POLR2M: variants seen among roughly 807,000 people sequenced by gnomAD.
The protein encoded by POLR2M is protein GRINL1A.
Under a neutral mutation model 34.6 loss-of-function variants are expected in POLR2M, and 30 were observed. The observed-to-expected ratio is 0.87, with a 90% CI of 0.65 to 1.18. POLR2M has a LOEUF of 1.18. Among genes scored for constraint, POLR2M ranks in the 50% most tolerant of loss-of-function variants. POLR2M has a pLI of 0.00. For synonymous variants in POLR2M, 150 were observed against 166.7 expected, an observed-to-expected ratio of 0.90 and a Z score of 0.77; for missense variants, 432 against 448.7, an observed-to-expected ratio of 0.96 and a Z score of 0.34.
In POLR2M at chr15:57,706,997, C is replaced by G. The variant is rs1467493294; in HGVS notation, c.113+42C>G. 2.6e-6 allele frequency: 4 copies of G among 1,553,742 alleles called. No individual in the cohort carries two copies. The African/African-American group carries it at 5.5e-5, about 21-fold the overall frequency. On this transcript the variant is annotated intron_variant, in intron 1 of 3. Transcript: ENST00000299638. ...CGGAGTCTCCGCCAGGCTCCTTCAGCTCGAGCTCCCTGGGCGCTCCCCTCC... is the reference window on the plus strand; with the variant it reads ...CGGAGTCTCCGCCAGGCTCCTTCAGGTCGAGCTCCCTGGGCGCTCCCCTCC...
chr15:57,712,246 A>T, intron 3 of POLR2M, 58 bp downstream of exon 3: 1 of 1,589,184 alleles, frequency 6.3e-7, no homozygotes, highest in East Asian at 2.2e-5. Context: ...ATAAGCTAGA[A>T]TTTACTCCAG....
chr15:57,713,763 T>C (rs2040829591), intron 3 of POLR2M, among the ~76,000 whole-genome samples: 1 of 151,558 alleles, frequency 6.6e-6, no homozygotes, highest in Non-Finnish European at 1.5e-5. Context: ...GAAGTCATGA[T>C]TGTAATTAGG....
chr15:57,707,306 C>T (rs1595980290), intron 1 of POLR2M: 5 of 740,494 alleles, frequency 6.8e-6, no homozygotes, highest in East Asian at 5.4e-5. Flanking sequence ...AGATTGTCAG[C>T]TTCATCTCTG....
chr15:57,708,711 C>T lies in POLR2M; in HGVS notation c.114-3C>T. The T allele has an allele frequency of 1.3e-6, 2 of 1,570,254 alleles. No individual in the cohort carries two copies. The highest frequency in any genetic ancestry group is 1.4e-5 in the African/African-American group (1 of 73,140). On this transcript the variant is annotated splice_polypyrimidine_tract_variant and splice_region_variant and intron_variant, in intron 1 of 3. Coordinates refer to ENST00000299638, the MANE Select transcript of POLR2M (RefSeq NM_015532.5). ...TGTAATAGTATTCTTTTCCATTTGACAGAAAATTCATTTGCAAATTGCCCG... is the reference window on the plus strand; with the variant it reads ...TGTAATAGTATTCTTTTCCATTTGATAGAAAATTCATTTGCAAATTGCCCG...
At chr15:57,708,210 A>G (rs1209209270) in intron 1 of POLR2M, among the ~76,000 whole-genome samples, 2 of 152,252 alleles carry the variant, frequency 1.3e-5, no homozygotes, top group South Asian at 2.1e-4. Context: ...TCTTTAAAAC[A>G]TAAGCATACA....
In POLR2M at chr15:57,714,774, A is replaced by G. The variant is rs1259643969; in HGVS notation, c.*95A>G. 8 of 1,531,850 alleles carry G rather than the reference A, an allele frequency of 5.2e-6. No individual in the cohort carries two copies. Among genetic ancestry groups the G allele is most frequent in the Admixed American group, 2.3e-5 (1 of 43,566 alleles). The allele number at this position is 1,531,850 out of a possible 1,614,324, so 94.9% of individuals were successfully genotyped here. A position where few individuals can be genotyped will look rare whatever the true frequency, so the allele number is the denominator to read the frequency against. On this transcript the variant is annotated 3_prime_UTR_variant, in exon 4 of 4. Coordinates refer to ENST00000299638, the MANE Select transcript of POLR2M (RefSeq NM_015532.5). ...ATCAGTGTCAGATATTGTTGAGGGA[A>G]GTAATTTTATAAAGTTACACAAAGG...
In POLR2M at chr15:57,717,355, T is replaced by C. The variant is rs1251080655; in HGVS notation, c.*2676T>C. On this transcript the variant is annotated 3_prime_UTR_variant, in exon 4 of 4. Coordinates refer to ENST00000299638, the MANE Select transcript of POLR2M (RefSeq NM_015532.5). The stretch of plus-strand genomic sequence containing the variant: ...AAGCAACAGCTGTGTAATCACAAAC[T>C]AGATGCAGAGGAGGTCTTGCCAGCA... The C allele has an allele frequency of 6.6e-6, 1 of 152,194 alleles. No individual in the cohort carries two copies. Among genetic ancestry groups the C allele is most frequent in the Non-Finnish European group, 1.5e-5 (1 of 68,032 alleles). The allele number at this position is 152,194 out of a possible 1,614,324, so 9.4% of individuals were successfully genotyped here.
In POLR2M at chr15:57,706,902, T is replaced by G; in HGVS notation, c.60T>G (p.Ser20Arg). 1 of 1,601,006 alleles carries G rather than the reference T, an allele frequency of 6.2e-7. No individual in the cohort carries two copies. Among genetic ancestry groups the G allele is most frequent in the Non-Finnish European group, 8.5e-7 (1 of 1,173,534 alleles). Residue 20 changes from serine to arginine, a missense_variant, in exon 1 of 4, where the codon AGT (serine) becomes AGG (arginine). Coordinates refer to ENST00000299638, the MANE Select transcript of POLR2M (RefSeq NM_015532.5). Reference protein sequence around the residue: ...PQAPEDLAQRSLVELREMLKR... With the variant: ...PQAPEDLAQRRLVELREMLKR... The stretch of plus-strand genomic sequence containing the variant: ...CTCCCGAGGACTTGGCGCAGCGGAG[T>G]TTGGTGGAGCTGCGGGAAATGTTGA...
In POLR2M at chr15:57,709,302, G is replaced by C. The variant is rs909589138; in HGVS notation, c.702G>C (p.Val234=). 3 of 1,614,032 alleles carry C rather than the reference G, an allele frequency of 1.9e-6. No homozygotes were observed. The Admixed American group carries it at 5.0e-5, about 27-fold the overall frequency. The change falls in exon 2 of 4, where the codon GTG becomes GTC. Residue 234 remains valine, a synonymous_variant. Coordinates refer to ENST00000299638, the MANE Select transcript of POLR2M (RefSeq NM_015532.5). ...GTEKKPHYME[V]LEMRAKNPVP... is the part of the protein sequence containing the mutation. ...AGAAGAAACCTCATTACATGGAAGT[G>C]CTAGAAATGCGAGCCAAAAACCCAG...
At chr15:57,711,642 A>C (rs184965189) in intron 2 of POLR2M, among the ~76,000 whole-genome samples, 28 of 152,016 alleles carry the variant, frequency 1.8e-4, no homozygotes, top group African/African-American at 6.0e-4. Flanking sequence ...TCTTGTTGAG[A>C]TATCTATCAC....
rs1339177087 is a variant in POLR2M at position 57,715,950 on chromosome 15, C to T, written c.*1271C>T. ...AAGCAAATGTGAAAAGTATACTGAC[C>T]TAAGATTCTCATTAGTTTTAGTTCT... On this transcript the variant is annotated 3_prime_UTR_variant, in exon 4 of 4. Coordinates refer to ENST00000299638, the MANE Select transcript of POLR2M (RefSeq NM_015532.5). 6.6e-6 allele frequency: 1 copy of T among 152,262 alleles called. No individual in the cohort carries two copies. The highest frequency in any genetic ancestry group is 2.4e-5 in the African/African-American group (1 of 41,462). 9.4% of individuals were successfully genotyped at this position (152,262 alleles called of 1,614,324 possible).
In POLR2M at chr15:57,709,028, C is replaced by T; in HGVS notation, c.428C>T (p.Thr143Ile). The T allele has an allele frequency of 1.2e-6, 2 of 1,614,004 alleles. No homozygotes were observed. The highest frequency in any genetic ancestry group is 1.7e-6 in the Non-Finnish European group (2 of 1,179,936). The change falls in exon 2 of 4, where the codon ACT (threonine) becomes ATT (isoleucine). Residue 143 changes from threonine to isoleucine, a missense_variant. Thr to Ile is a moderately conservative substitution (Grantham distance 89). Transcript: ENST00000299638. ...CCTACTCTTGAAGGTGATGAAGAGACTTCAGAGGTTGAGTACACAGTGAAT... is the reference window on the plus strand; with the variant it reads ...CCTACTCTTGAAGGTGATGAAGAGATTTCAGAGGTTGAGTACACAGTGAAT... ...GRPTLEGDEE[T>I]SEVEYTVNKG...
intron 2 of POLR2M, among the ~76,000 whole-genome samples, chr15:57,710,658 A>G (rs2040671917): frequency 6.6e-6 from 1 of 152,224 alleles, no homozygotes; most frequent in South Asian, 2.1e-4. Context: ...CAAAGAATAC[A>G]TTAATCCCAG....
At position 57,715,651 on chromosome 15, in the gene POLR2M, C is replaced by G. The variant is rs1217051897; in HGVS notation, c.*972C>G. 4.6e-5 allele frequency: 7 copies of G among 152,158 alleles called. No homozygotes were observed. Among genetic ancestry groups the G allele is most frequent in the Non-Finnish European group, 7.4e-5 (5 of 67,996 alleles). 9.4% of individuals were successfully genotyped at this position (152,158 alleles called of 1,614,324 possible). A position where few individuals can be genotyped will look rare whatever the true frequency, so the allele number is the denominator to read the frequency against. ...TTCCCCCCAAATAGGTATATATAGA[C>G]TGCAGAAGCTTCAGTCCCATATATA... On this transcript the variant is annotated 3_prime_UTR_variant, in exon 4 of 4. Coordinates refer to ENST00000299638, the MANE Select transcript of POLR2M (RefSeq NM_015532.5).
chr15:57,714,074 C>T (rs373232148), intron 3 of POLR2M, among the ~76,000 whole-genome samples: 2 of 151,958 alleles, frequency 1.3e-5, no homozygotes, highest in African/African-American at 4.8e-5. Context: ...GTCTCGATCT[C>T]CTGACCTCGT....
At chr15:57,714,457 T>C in intron 3 of POLR2M, 79 bp from the exon 4 acceptor site, 1 of 1,583,712 alleles carries the variant, frequency 6.3e-7, no homozygotes, top group Non-Finnish European at 8.6e-7. Context: ...TTATTGCTGA[T>C]TCTAGGTAAC....
In POLR2M at chr15:57,713,630, AT is replaced by A. The variant is rs1247724234; in HGVS notation, c.964-903del. On this transcript the variant is annotated intron_variant, in intron 3 of 3. Coordinates refer to ENST00000299638, the MANE Select transcript of POLR2M (RefSeq NM_015532.5). ...TTTAAGTACATTGCCAGTGTCTGAA[AT>A]TTACTTGGACTTTTTATTGGATACT... Among the ~76,000 whole-genome samples, 4 of 152,050 alleles carry A rather than the reference AT, an allele frequency of 2.6e-5. No individual in the cohort carries two copies. The East Asian group carries it at 7.7e-4, about 29-fold the overall frequency.
At chr15:57,708,233 C>G (rs1374747945) in intron 1 of POLR2M, among the ~76,000 whole-genome samples, 1 of 152,212 alleles carries the variant, frequency 6.6e-6, no homozygotes, top group Non-Finnish European at 1.5e-5. Context: ...AGCACACATT[C>G]TATTCTAGAA....
Position 57,709,150 on chromosome 15 carries a change from A to C in POLR2M, c.550A>C (p.Thr184Pro). The change falls in exon 2 of 4, where the codon ACT (threonine) becomes CCT (proline). Residue 184 changes from threonine to proline, a missense_variant. Coordinates refer to ENST00000299638, the MANE Select transcript of POLR2M (RefSeq NM_015532.5). ...TCGTGTTTCAAGTCAAGCGGAAGATACTTCCAGCAGCTTTGACAACCTGTT... is the reference window on the plus strand; with the variant it reads ...TCGTGTTTCAAGTCAAGCGGAAGATCCTTCCAGCAGCTTTGACAACCTGTT... ...RHRVSSQAED[T>P]SSSFDNLFID... 6.2e-7 allele frequency: 1 copy of C among 1,614,242 alleles called. No individual in the cohort carries two copies. The highest frequency in any genetic ancestry group is 2.2e-5 in the East Asian group (1 of 44,890).
Sources: allele counts gnomAD v4.1 joint callset (sites outside exome capture counted in the v4.1 genomes callset), GRCh38; gene constraint gnomAD v4.1.1; transcripts MANE v1.5; gene names NCBI Gene and HGNC (gene_info 2026-07-23, HGNC 2026-07-21).